RRH: variants seen among roughly 807,000 people sequenced by gnomAD.
The protein encoded by RRH is retinal pigment epithelium-derived rhodopsin homolog, also known as visual pigment-like receptor peropsin.
Under a neutral mutation model 33.1 loss-of-function variants are expected in RRH, and 36 were observed. The ratio of observed to expected loss-of-function variants is 1.09; its 90% CI spans 0.83 to 1.44. RRH has a LOEUF of 1.44. RRH is among the 40% of genes most tolerant of loss of function. The probability of loss-of-function intolerance (pLI) is 0.00; values close to 1 mark genes in which losing one functional copy is unlikely to be tolerated. For missense variants in RRH, 393 were observed against 420.2 expected (o/e 0.94, Z 0.57); for synonymous variants, 124 against 140.2 (o/e 0.88, Z 0.82).
chr4:109,840,017 G>C (rs912703235), intron 5 of RRH, among the ~76,000 whole-genome samples: 1 of 152,172 alleles, frequency 6.6e-6, no homozygotes, highest in Admixed American at 6.5e-5. Flanking sequence ...TGGTATTTCT[G>C]TCTCTAGGTC....
intron 4 of RRH, among the ~76,000 whole-genome samples, chr4:109,836,713 C>T (rs1159976862): frequency 6.6e-6 from 1 of 151,984 alleles, no homozygotes; most frequent in Non-Finnish European, 1.5e-5. Flanking sequence ...TAAACATGAA[C>T]AGAAAATTTC....
Position 109,833,135 on chromosome 4 carries a change from T to C in RRH, c.107-4T>C. On this transcript the variant is annotated splice_region_variant and splice_polypyrimidine_tract_variant and intron_variant, in intron 1 of 6. Transcript: ENST00000317735. ...ATGCATCATATTTTTGTGTGTGTTC[T>C]CAGGTATGATAAGTATTATCAGCAA... The C allele has an allele frequency of 6.2e-7, 1 of 1,610,848 alleles. No homozygotes were observed. The highest frequency in any genetic ancestry group is 8.5e-7 in the Non-Finnish European group (1 of 1,177,062).
intron 2 of RRH, among the ~76,000 whole-genome samples, chr4:109,833,852 A>G (rs1733816511): frequency 1.3e-5 from 2 of 152,164 alleles, no homozygotes; most frequent in South Asian, 4.1e-4. Flanking sequence ...TTCTTTTAGC[A>G]GTTTACTATC....
In RRH at chr4:109,844,213, C is replaced by G. The variant is rs767827549; in HGVS notation, c.*16C>G. ...AAGAATCTGAAATAAGATAAAAGGACACACTATCAAAACACTTTAGTTTTT... is the reference window on the plus strand; with the variant it reads ...AAGAATCTGAAATAAGATAAAAGGAGACACTATCAAAACACTTTAGTTTTT... On this transcript the variant is annotated 3_prime_UTR_variant, in exon 7 of 7. Transcript: ENST00000317735. 2.0e-6 allele frequency: 3 copies of G among 1,522,202 alleles called. No homozygotes were observed. The highest frequency in any genetic ancestry group is 2.7e-6 in the Non-Finnish European group (3 of 1,096,788). The allele number at this position is 1,522,202 out of a possible 1,614,324, so 94.3% of individuals were successfully genotyped here.
At chr4:109,837,668 G>T in intron 5 of RRH, 63 bp downstream of exon 5, 1 of 1,302,272 alleles carries the variant, frequency 7.7e-7, no homozygotes, top group Non-Finnish European at 1.1e-6. Flanking sequence ...ATAGTTGAAA[G>T]AGTCCCTGGG....
rs764857841 is a variant in RRH, at chr4:109,837,580, G to T, written c.695G>T (p.Trp232Leu). ...TGCACTGAGTCCCTCAACAGAGACT[G>T]GTCAGATCAGATAGATGTAACAAAG... ...SDCTESLNRDWSDQIDVTKMS... is the reference protein window; with the variant it reads ...SDCTESLNRDLSDQIDVTKMS... Residue 232 changes from tryptophan (W) to leucine (L), a missense_variant, in exon 5 of 7, where the codon TGG (tryptophan) becomes TTG (leucine). Physicochemically the swap from Trp to Leu is moderately conservative, Grantham distance 61. Transcript: ENST00000317735. 3.7e-6 allele frequency: 6 copies of T among 1,613,808 alleles called. No individual in the cohort carries two copies. The African/African-American group carries it at 8.0e-5, about 22-fold the overall frequency.
intron 1 of RRH, among the ~76,000 whole-genome samples, chr4:109,830,316 AG>A (rs1300776397): frequency 6.6e-6 from 1 of 152,174 alleles, no homozygotes; most frequent in Admixed American, 6.5e-5. Flanking sequence ...GAGTCACTGA[AG>A]GGTTTGAAAT....
Sources: allele counts gnomAD v4.1 joint callset (sites outside exome capture counted in the v4.1 genomes callset), GRCh38; gene constraint gnomAD v4.1.1; transcripts MANE v1.5; gene names NCBI Gene and HGNC (gene_info 2026-07-23, HGNC 2026-07-21).